MAGI2: variants seen among roughly 807,000 people sequenced by gnomAD.
The protein encoded by MAGI2 is membrane-associated guanylate kinase, WW and PDZ domain-containing protein 2.
In MAGI2, 35 loss-of-function variants were observed where a neutral mutation model predicts 133.3. The observed-to-expected ratio is 0.26, with a 90% CI of 0.20 to 0.35. The LOEUF (loss-of-function observed/expected upper bound fraction) is 0.35. Among genes scored for constraint, MAGI2 ranks in the 10% least tolerant of loss-of-function variants. MAGI2 has a pLI of 1.00. For missense variants in MAGI2, 1,636 were observed against 1,863.4 expected (o/e 0.88, Z 2.25); for synonymous variants, 729 against 710.6 (o/e 1.03, Z -0.41).
chr7:79,007,046 T>C lies in MAGI2; in HGVS notation c.418+44A>G, dbSNP rs1807525619. ...AATCAATGAATATATAGCTAAACAT[T>C]TATCTCTCAACATAAAAATATTAAT... On this transcript the variant is annotated intron_variant, in intron 2 of 21. Coordinates refer to ENST00000354212, the MANE Select transcript of MAGI2 (RefSeq NM_012301.4). 4 of 1,336,766 alleles carry C rather than the reference T, an allele frequency of 3.0e-6. No homozygotes were observed. The East Asian group carries it at 7.2e-5, about 24-fold the overall frequency. 82.8% of individuals were successfully genotyped at this position (1,336,766 alleles called of 1,614,324 possible).
chr7:78,815,809 T>C (rs920181526), intron 2 of MAGI2, among the ~76,000 whole-genome samples: 5 of 152,178 alleles, frequency 3.3e-5, no homozygotes, highest in Admixed American at 2.0e-4. Context: ...TCTCTCCCTC[T>C]CTTTGTGTGT....
intron 1 of MAGI2, among the ~76,000 whole-genome samples, chr7:79,225,653 T>C (rs2129553758): frequency 6.6e-6 from 1 of 152,334 alleles, no homozygotes; most frequent in East Asian, 1.9e-4. Context: ...TTTGCCTTTT[T>C]AATATTTTGA....
chr7:79,249,638 A>T (rs148099130), intron 1 of MAGI2, among the ~76,000 whole-genome samples: 116 of 152,266 alleles, frequency 7.6e-4, no homozygotes, highest in African/African-American at 2.6e-3. Flanking sequence ...ACAAGTAACA[A>T]GATTGAAGCT....
intron 2 of MAGI2, among the ~76,000 whole-genome samples, chr7:78,980,316 G>C (rs2116160923): frequency 6.6e-6 from 1 of 151,954 alleles, no homozygotes; most frequent in South Asian, 2.1e-4. Context: ...AAACAAAGTA[G>C]AGTTAACAAG....
rs536865009 is a variant in MAGI2 at position 79,137,593 on chromosome 7, C to G, written c.302-130387G>C. Among the ~76,000 whole-genome samples the G allele has an allele frequency of 1.8e-4, 27 of 151,924 alleles. No individual in the cohort carries two copies. The South Asian group carries it at 5.4e-3, about 31-fold the overall frequency. On this transcript the variant is annotated intron_variant, in intron 1 of 21. Coordinates refer to ENST00000354212, the MANE Select transcript of MAGI2 (RefSeq NM_012301.4). The stretch of plus-strand genomic sequence containing the variant: ...TCAGCCTCCCGTGCAGCTGGGATTA[C>G]AGGTAGGTGCCACCACACCCAGCTA...
At chr7:79,351,508 T>A (rs1841692357) in intron 1 of MAGI2, among the ~76,000 whole-genome samples, 3 of 152,136 alleles carry the variant, frequency 2.0e-5, no homozygotes, top group African/African-American at 7.2e-5. Flanking sequence ...GAGAAAAGTA[T>A]AAATAAAGAG....
chr7:78,255,282 C>G (rs1162353957), intron 10 of MAGI2: 2 of 154,020 alleles, frequency 1.3e-5, no homozygotes, highest in Non-Finnish European at 2.9e-5. Context: ...GCCCGGGACA[C>G]TCAGGCCAGA....
intron 4 of MAGI2, among the ~76,000 whole-genome samples, chr7:78,502,900 G>T (rs1401036957): frequency 6.6e-6 from 1 of 152,166 alleles, no homozygotes; most frequent in Non-Finnish European, 1.5e-5. Flanking sequence ...TATCTAAGAT[G>T]AAGAAACACC....
chr7:78,663,769 G>A (rs1377838732), intron 2 of MAGI2, among the ~76,000 whole-genome samples: 1 of 152,108 alleles, frequency 6.6e-6, no homozygotes, highest in Non-Finnish European at 1.5e-5. Flanking sequence ...TAGCCTTAAT[G>A]CATAACATGT....
chr7:78,310,519 A>G (rs911128316), intron 9 of MAGI2, among the ~76,000 whole-genome samples: 1 of 152,224 alleles, frequency 6.6e-6, no homozygotes, highest in Non-Finnish European at 1.5e-5. Context: ...GATTTTTTAA[A>G]ATTCCAACTT....
chr7:79,362,700 T>G (rs1459722788), intron 1 of MAGI2, among the ~76,000 whole-genome samples: 1 of 151,972 alleles, frequency 6.6e-6, no homozygotes, highest in Non-Finnish European at 1.5e-5. Flanking sequence ...ATCATATCAA[T>G]GAATGCAGAT....
At chr7:78,690,201 AT>A (rs1359593614) in intron 2 of MAGI2, among the ~76,000 whole-genome samples, 1 of 152,210 alleles carries the variant, frequency 6.6e-6, no homozygotes, top group East Asian at 1.9e-4. Context: ...CAATTTTAAT[AT>A]ACATTAAAAT....
chr7:78,148,096 A>G (rs995335389), intron 16 of MAGI2, among the ~76,000 whole-genome samples: 1 of 152,214 alleles, frequency 6.6e-6, no homozygotes, highest in Admixed American at 6.5e-5. Context: ...GAAAACGTTT[A>G]TAGAAGCTTT....
At chr7:78,882,871 G>C (rs1423846754) in intron 2 of MAGI2, among the ~76,000 whole-genome samples, 1 of 151,888 alleles carries the variant, frequency 6.6e-6, no homozygotes, top group East Asian at 1.9e-4. Context: ...AATAATAAGA[G>C]CCATCTATGA....
chr7:79,127,649 T>C (rs7456110), intron 1 of MAGI2, among the ~76,000 whole-genome samples: 12,147 of 152,198 alleles, frequency 0.08, 1,052 homozygotes, highest in African/African-American at 0.21. Context: ...TGGGGTTGTT[T>C]GTCTTTTTCT....
At chr7:78,657,451 C>T (rs1306145526) in intron 2 of MAGI2, among the ~76,000 whole-genome samples, 1 of 152,246 alleles carries the variant, frequency 6.6e-6, no homozygotes, top group East Asian at 1.9e-4. Context: ...AATGGATAAA[C>T]TGTGGCACAT....
chr7:79,100,155 CT>C (rs907299667), intron 1 of MAGI2, among the ~76,000 whole-genome samples: 42 of 151,836 alleles, frequency 2.8e-4, no homozygotes, highest in Admixed American at 5.9e-4. Context: ...AAAGTTGCTA[CT>C]TTTTTTTAGG....
At chr7:78,652,855 G>A (rs905549479) in intron 2 of MAGI2, among the ~76,000 whole-genome samples, 3 of 151,858 alleles carry the variant, frequency 2.0e-5, no homozygotes, top group Admixed American at 6.6e-5. Flanking sequence ...GCAACCTACA[G>A]AATGGGAGAA....
chr7:79,365,296 A>G (rs1842626926), intron 1 of MAGI2, among the ~76,000 whole-genome samples: 1 of 152,234 alleles, frequency 6.6e-6, no homozygotes. Context: ...GGGATACAAA[A>G]TGGTACAGCT....
Sources: gnomAD v4.1 joint callset for allele counts (sites outside exome capture counted in the v4.1 genomes callset) on GRCh38, gnomAD v4.1.1 for gene constraint, MANE v1.5 for transcripts, NCBI Gene and HGNC (gene_info 2026-07-23, HGNC 2026-07-21) for gene names.